The following LMNA variants were observed in gnomAD, a reference collection of about 807,000 sequenced individuals.
LMNA encodes the protein lamin A/C, also known as lamin.
In LMNA, 20 loss-of-function variants were observed where a neutral mutation model predicts 70.4. That is an observed-to-expected ratio of 0.28 (90% CI 0.20 to 0.41). The LOEUF is 0.41. Ranked by LOEUF, LMNA falls within the 10% of genes least tolerant of loss-of-function variation. The pLI, the probability that LMNA is intolerant of heterozygous loss-of-function variation, is 1.00. For synonymous variants in LMNA, 339 were observed against 372.8 expected (o/e 0.91, Z 1.04); for missense variants, 652 against 917.2 (o/e 0.71, Z 3.73).
At position 156,129,217 on chromosome 1, in the gene LMNA, G is replaced by C. The variant is rs181214622; in HGVS notation, c.357-1400G>C. 1.2e-4 allele frequency among the ~76,000 whole-genome samples: 19 copies of C among 152,328 alleles called. No homozygotes were observed. In the East Asian group the frequency reaches 3.7e-3, roughly 29 times the overall value. The stretch of plus-strand genomic sequence containing the variant: ...AGGCCTGGACTGAGCAAGTGTGCAG[G>C]CTGGGGGAGCTTCCTCTGGCTTCTC... On this transcript the variant is annotated intron_variant, in intron 1 of 11. Transcript: ENST00000368300.
intron 3 of LMNA, among the ~76,000 whole-genome samples, chr1:156,097,949 G>A (rs1445694446): frequency 2.0e-5 from 3 of 151,990 alleles, no homozygotes; most frequent in African/African-American, 4.8e-5. Flanking sequence ...GCGTGTGTGC[G>A]TGCGTGTGTG....
At chr1:156,095,972 T>G (rs1161963536) in intron 3 of LMNA, among the ~76,000 whole-genome samples, 2 of 152,254 alleles carry the variant, frequency 1.3e-5, no homozygotes, top group Non-Finnish European at 2.9e-5. Flanking sequence ...AGGCGTGATC[T>G]ACTCTGGCCT....
intron 3 of LMNA, among the ~76,000 whole-genome samples, chr1:156,106,375 T>C (rs556171663): frequency 6.6e-6 from 1 of 152,346 alleles, no homozygotes; most frequent in Non-Finnish European, 1.5e-5. Context: ...GTTTGTTTCC[T>C]TGGCAACAGG....
chr1:156,116,116 G>A (rs1649810749), intron 1 of LMNA, among the ~76,000 whole-genome samples: 1 of 152,184 alleles, frequency 6.6e-6, no homozygotes, highest in Non-Finnish European at 1.5e-5. Context: ...TCCTCCCTTG[G>A]CCCTCTGCCT....
At chr1:156,129,743 G>C in intron 1 of LMNA, 1 of 662,120 alleles carries the variant, frequency 1.5e-6, no homozygotes, top group Non-Finnish European at 2.8e-6. Flanking sequence ...AAAATAATCA[G>C]GGGCCCAGAA....
chr1:156,120,538 G>A (rs1310800242), intron 1 of LMNA, among the ~76,000 whole-genome samples: 2 of 152,096 alleles, frequency 1.3e-5, no homozygotes, highest in Admixed American at 6.6e-5. Context: ...AGACCAGTCT[G>A]GGCAACATAG....
Position 156,136,514 on chromosome 1 carries a change from G to A in LMNA, c.1380+78G>A. 1 of 1,391,136 alleles carries A rather than the reference G, an allele frequency of 7.2e-7. No homozygotes were observed. The allele number at this position is 1,391,136 out of a possible 1,614,324, so 86.2% of individuals were successfully genotyped here. A position where few individuals can be genotyped will look rare whatever the true frequency, so the allele number is the denominator to read the frequency against. On this transcript the variant is annotated intron_variant, in intron 7 of 11. Transcript: ENST00000368300. This position sits in a 1 kb window ranked among gnomAD's most constrained non-coding sequence, Gnocchi z 6.1. ...GCAAGACAGAAGGATGGCATGTGGA[G>A]AGAGGAACATCCTTGCCCTCAGAGG...
chr1:156,139,727 C>G lies in LMNA; in HGVS notation c.*621C>G. On this transcript the variant is annotated 3_prime_UTR_variant, in exon 12 of 12. Coordinates refer to ENST00000368300, the MANE Select transcript of LMNA (RefSeq NM_170707.4). ...CCCCCAGCCCCGGGGTGAGTCCATTCTCCCAGGTACCAGCTGCGCTTGCTT... is the reference window on the plus strand; with the variant it reads ...CCCCCAGCCCCGGGGTGAGTCCATTGTCCCAGGTACCAGCTGCGCTTGCTT... 1 of 1,447,780 alleles carries G rather than the reference C, an allele frequency of 6.9e-7. No homozygotes were observed. The highest frequency in any genetic ancestry group is 2.1e-5 in the Admixed American group (1 of 48,252). 89.7% of individuals were successfully genotyped at this position (1,447,780 alleles called of 1,614,324 possible).
chr1:156,102,413 C>T lies in LMNA; in HGVS notation c.-207+11831C>T, dbSNP rs139146280. 4.6e-3 allele frequency among the ~76,000 whole-genome samples: 704 copies of T among 152,296 alleles called. 4 individuals are homozygous for T. Among genetic ancestry groups the T allele is most frequent in the Admixed American group, 8.6e-3 (132 of 15,306 alleles). On this transcript the variant is annotated intron_variant, in intron 3 of 12. Transcript: ENST00000368301. ...AGGGCAAGGGCACCCAGGTTTCAGT[C>T]CTGGTTCTGTCACCTCTGGTTAGGA... is the stretch of plus-strand genomic sequence containing the variant.
chr1:156,118,599 C>T (rs945635728), intron 1 of LMNA, among the ~76,000 whole-genome samples: 1 of 152,158 alleles, frequency 6.6e-6, no homozygotes, highest in Non-Finnish European at 1.5e-5. Context: ...GGTGTCTGTC[C>T]TCTTCTATGC....
chr1:156,094,805 G>A (rs1648854604), intron 3 of LMNA, among the ~76,000 whole-genome samples: 1 of 151,852 alleles, frequency 6.6e-6, no homozygotes. Context: ...TGTCACCCAG[G>A]CTGGAGTGCA....
intron 2 of LMNA, among the ~76,000 whole-genome samples, chr1:156,085,308 C>G (rs12076700): frequency 0.24 from 35,940 of 152,146 alleles, 5,468 homozygotes; most frequent in East Asian, 0.72. Context: ...TTCGCTCTCT[C>G]CCGGAGGCTG....
intron 1 of LMNA, among the ~76,000 whole-genome samples, chr1:156,116,980 C>T (rs942424367): frequency 2.6e-5 from 4 of 151,740 alleles, no homozygotes; most frequent in African/African-American, 9.7e-5. Context: ...GTGGTGCGAT[C>T]TTGGCTCACC....
intron 1 of LMNA, among the ~76,000 whole-genome samples, chr1:156,127,381 G>A (rs187195628): frequency 3.9e-5 from 6 of 152,038 alleles, no homozygotes; most frequent in Non-Finnish European, 8.8e-5. Context: ...AACCACAAAG[G>A]TTCTTCCTCA....
intron 1 of LMNA, among the ~76,000 whole-genome samples, chr1:156,120,301 C>G (rs138046042): frequency 9.6e-4 from 146 of 152,338 alleles, no homozygotes; most frequent in Non-Finnish European, 1.7e-3. Flanking sequence ...TGGGTGTGCT[C>G]TTACCATTAA....
chr1:156,118,078 C>T (rs368482382), intron 1 of LMNA, among the ~76,000 whole-genome samples: 1 of 151,410 alleles, frequency 6.6e-6, no homozygotes, highest in East Asian at 1.9e-4. Flanking sequence ...CCTGCCTCGG[C>T]CTCCGGAAGC....
In LMNA at chr1:156,098,027, C is replaced by T. The variant is rs148464893; in HGVS notation, c.-207+7445C>T. Among the ~76,000 whole-genome samples, 11 of 152,340 alleles carry T rather than the reference C, an allele frequency of 7.2e-5. No individual in the cohort carries two copies. In the East Asian group the frequency reaches 2.1e-3, roughly 29 times the overall value. On this transcript the variant is annotated intron_variant, in intron 3 of 12. Coordinates refer to the LMNA transcript ENST00000368301. ...CCCTATCCTCCAGCTTCTGCTATAGCCTGGGAGTTCCCAGCCTTTTAGTCC... is the reference window on the plus strand; with the variant it reads ...CCCTATCCTCCAGCTTCTGCTATAGTCTGGGAGTTCCCAGCCTTTTAGTCC...
chr1:156,137,288 A>T lies in LMNA; in HGVS notation c.1608+56A>T. 1 of 1,537,346 alleles carries T rather than the reference A, an allele frequency of 6.5e-7. No homozygotes were observed. The highest frequency in any genetic ancestry group is 2.4e-5 in the East Asian group (1 of 41,070). On this transcript the variant is annotated intron_variant, in intron 9 of 11. Coordinates refer to ENST00000368300, the MANE Select transcript of LMNA (RefSeq NM_170707.4). The surrounding 1 kb of genome is among the most constrained non-coding windows in gnomAD (Gnocchi z 4.6). ...GACGAGGCTCCCCCTGATGGCCAACATCGGAGCCAGCTGCCCCCAACCCAA... is the reference window on the plus strand; with the variant it reads ...GACGAGGCTCCCCCTGATGGCCAACTTCGGAGCCAGCTGCCCCCAACCCAA...
intron 1 of LMNA, among the ~76,000 whole-genome samples, chr1:156,121,232 A>G (rs992661801): frequency 6.6e-6 from 1 of 151,674 alleles, no homozygotes; most frequent in Non-Finnish European, 1.5e-5. Context: ...TATTTTTAGT[A>G]GAGACCAGGT....
Sources: allele counts gnomAD v4.1 joint callset (sites outside exome capture counted in the v4.1 genomes callset), GRCh38; gene constraint gnomAD v4.1.1; non-coding constraint Gnocchi (gnomAD v3.1); transcripts MANE v1.5; gene names NCBI Gene and HGNC (gene_info 2026-07-23, HGNC 2026-07-21).